ZNF385D: variants seen among roughly 807,000 people sequenced by gnomAD.
The protein encoded by ZNF385D is zinc finger protein 385D, also known as zinc finger protein 659.
In ZNF385D, 15 loss-of-function variants were observed where a neutral mutation model predicts 35.8. The observed-to-expected ratio is 0.42, with a 90% CI of 0.28 to 0.64. The LOEUF is 0.64. Among genes scored for constraint, ZNF385D ranks in the 30% least tolerant of loss-of-function variants. ZNF385D has a pLI of 0.23. For missense variants in ZNF385D, 474 were observed against 494.6 expected (o/e 0.96, Z 0.39); for synonymous variants, 212 against 186.8 (o/e 1.13, Z -1.10).
At chr3:22,140,165 G>A (rs555052910) in intron 3 of ZNF385D, among the ~76,000 whole-genome samples, 175 of 152,238 alleles carry the variant, frequency 1.1e-3, no homozygotes, top group African/African-American at 4.0e-3. Context: ...TAGGAGCTTT[G>A]TAATATTCAA....
chr3:22,274,048 T>C lies in ZNF385D; in HGVS notation c.106+98402A>G, dbSNP rs538983689. On this transcript the variant is annotated intron_variant, in intron 2 of 5. Coordinates refer to the ZNF385D transcript ENST00000494108. ...TTAGTAAGCATATAAACAATATTTC[T>C]ATTTACCTTATTTCATATTGAGTAA... Among the ~76,000 whole-genome samples the C allele has an allele frequency of 5.3e-5, 8 of 152,144 alleles. No homozygotes were observed. The South Asian group carries it at 8.3e-4, about 16-fold the overall frequency.
intron 3 of ZNF385D, among the ~76,000 whole-genome samples, chr3:22,068,141 T>A (rs1700050046): frequency 6.6e-6 from 1 of 152,214 alleles, no homozygotes. Flanking sequence ...AAGGTCTTAG[T>A]CATTTATTAC....
chr3:21,860,345 A>G (rs1373214232), intron 3 of ZNF385D, among the ~76,000 whole-genome samples: 1 of 152,114 alleles, frequency 6.6e-6, no homozygotes, highest in Non-Finnish European at 1.5e-5. Context: ...ATTTGCAAAG[A>G]CAAGCAGTCA....
intron 3 of ZNF385D, among the ~76,000 whole-genome samples, chr3:22,077,257 T>C (rs1175527906): frequency 6.6e-6 from 1 of 151,986 alleles, no homozygotes; most frequent in African/African-American, 2.4e-5. Flanking sequence ...TAAATTTTCC[T>C]GGACTAGATT....
chr3:22,333,229 T>C (rs1166850268), intron 2 of ZNF385D, among the ~76,000 whole-genome samples: 1 of 152,188 alleles, frequency 6.6e-6, no homozygotes, highest in African/African-American at 2.4e-5. Context: ...TCAATATTTT[T>C]CTCAGCCGCT....
At chr3:21,703,537 A>G (rs1174810124) in intron 1 of ZNF385D, among the ~76,000 whole-genome samples, 1 of 152,160 alleles carries the variant, frequency 6.6e-6, no homozygotes, top group African/African-American at 2.4e-5. Flanking sequence ...CCCCTCTATT[A>G]AAATGTTTTC....
chr3:21,619,821 A>T (rs1037976964), intron 2 of ZNF385D, among the ~76,000 whole-genome samples: 1 of 152,188 alleles, frequency 6.6e-6, no homozygotes, highest in Non-Finnish European at 1.5e-5. Context: ...TCTGGTAACT[A>T]TAATCCCTAG....
chr3:21,983,111 A>G (rs1694587835), intron 3 of ZNF385D, among the ~76,000 whole-genome samples: 1 of 147,510 alleles, frequency 6.8e-6, no homozygotes, highest in Admixed American at 6.7e-5. Flanking sequence ...TCATAGAATG[A>G]ATTGGGGAGG....
chr3:21,934,576 C>G (rs1175903022), intron 3 of ZNF385D, among the ~76,000 whole-genome samples: 3 of 152,132 alleles, frequency 2.0e-5, no homozygotes, highest in African/African-American at 7.2e-5. Context: ...GTAGCTTTAA[C>G]TTCTAAGACA....
rs137985024 is a variant in ZNF385D, at chr3:21,655,043, GC to G, written c.165+9842del. Among the ~76,000 whole-genome samples the G allele has an allele frequency of 8.2e-3, 1,246 of 151,914 alleles. 19 individuals are homozygous for G. Among genetic ancestry groups the G allele is most frequent in the African/African-American group, 0.029 (1,212 of 41,476 alleles). Reference sequence around the variant, plus strand: ...AAAATGGATTTTCCCACTAATTTTGGCCATGAGGTAGAACACAGTGACTCTC... The same window carrying G: ...AAAATGGATTTTCCCACTAATTTTGGCATGAGGTAGAACACAGTGACTCTC... On this transcript the variant is annotated intron_variant, in intron 2 of 7. Transcript: ENST00000281523.
chr3:21,581,024 G>A lies in ZNF385D; in HGVS notation c.166-16340C>T, dbSNP rs77499153. ...ACTAATTTACGTCCTTCCTCCCACC[G>A]TAAGTGCCCTGTATGCCTCTTTCTC... On this transcript the variant is annotated intron_variant, in intron 2 of 7. Coordinates refer to ENST00000281523, the MANE Select transcript of ZNF385D (RefSeq NM_024697.3). Among the ~76,000 whole-genome samples, 439 of 152,060 alleles carry A rather than the reference G, an allele frequency of 2.9e-3. 1 individual carries two copies. Among genetic ancestry groups the A allele is most frequent in the African/African-American group, 9.9e-3 (411 of 41,472 alleles).
intron 3 of ZNF385D, among the ~76,000 whole-genome samples, chr3:21,529,691 G>C (rs940971650): frequency 1.3e-5 from 2 of 152,064 alleles, no homozygotes; most frequent in African/African-American, 4.8e-5. Context: ...ACACAACCTA[G>C]AATATCACAA....
intron 2 of ZNF385D, among the ~76,000 whole-genome samples, chr3:21,627,246 G>GGTGTGTGTGTGTGTGTGT (rs55918045): frequency 2.2e-5 from 3 of 139,424 alleles, no homozygotes; most frequent in South Asian, 2.4e-4. Context: ...AGAGGTGTAG[G>GGTGTGTGTGTGTGTGTGT]GTGTGTGTGT....
intron 3 of ZNF385D, among the ~76,000 whole-genome samples, chr3:22,041,366 A>G (rs1431436133): frequency 1.3e-5 from 2 of 152,186 alleles, no homozygotes; most frequent in African/African-American, 4.8e-5. Flanking sequence ...GCTCCACACA[A>G]CCACAGGAAT....
chr3:21,991,556 C>T (rs1189385495), intron 3 of ZNF385D, among the ~76,000 whole-genome samples: 2 of 152,150 alleles, frequency 1.3e-5, no homozygotes, highest in East Asian at 3.8e-4. Context: ...ATTTAGAAAT[C>T]GTTGGTCAAA....
chr3:21,508,236 T>C (rs1706936101), intron 4 of ZNF385D, among the ~76,000 whole-genome samples: 1 of 152,180 alleles, frequency 6.6e-6, no homozygotes, highest in Non-Finnish European at 1.5e-5. Context: ...TTCTGGCATG[T>C]TTATGTTATC....
intron 4 of ZNF385D, among the ~76,000 whole-genome samples, chr3:21,499,788 G>A (rs1296645711): frequency 1.3e-5 from 2 of 152,080 alleles, no homozygotes; most frequent in Non-Finnish European, 2.9e-5. Flanking sequence ...ATTGGTTTGA[G>A]CAATCACGTA....
intron 3 of ZNF385D, among the ~76,000 whole-genome samples, chr3:22,105,188 G>C (rs765942836): frequency 2.2e-4 from 34 of 151,956 alleles, no homozygotes; most frequent in Non-Finnish European, 3.1e-4. Context: ...ATAATCTTCT[G>C]TATATCAGAA....
chr3:21,764,004 T>C (rs2070727520), intron 3 of ZNF385D, among the ~76,000 whole-genome samples: 1 of 152,082 alleles, frequency 6.6e-6, no homozygotes, highest in Non-Finnish European at 1.5e-5. Flanking sequence ...GATACTGCAA[T>C]GGAAGGTGGA....
Sources: gnomAD v4.1 joint callset for allele counts (sites outside exome capture counted in the v4.1 genomes callset) on GRCh38, gnomAD v4.1.1 for gene constraint, MANE v1.5 for transcripts, NCBI Gene and HGNC (gene_info 2026-07-23, HGNC 2026-07-21) for gene names.